SNX6: variants seen among roughly 807,000 people sequenced by gnomAD.
SNX6 encodes the protein sorting nexin-6.
In SNX6, 34 loss-of-function variants were observed where a neutral mutation model predicts 63.0. That is an observed-to-expected ratio of 0.54 (90% CI 0.41 to 0.72). SNX6 has a LOEUF of 0.72. SNX6 is among the 30% of genes least tolerant of loss of function. The probability of loss-of-function intolerance (pLI) is 0.00; values close to 1 mark genes in which losing one functional copy is unlikely to be tolerated. For synonymous variants in SNX6, 170 were observed against 164.2 expected (o/e 1.04, Z -0.27); for missense variants, 398 against 471.4 (o/e 0.84, Z 1.44).
chr14:34,604,205 AAAG>A (rs1045186306), intron 5 of SNX6: 3 of 1,289,080 alleles, frequency 2.3e-6, no homozygotes, highest in South Asian at 1.2e-5. Flanking sequence ...TGAAGACAAA[AAAG>A]AAGGATGCAG....
intron 13 of SNX6, among the ~76,000 whole-genome samples, chr14:34,567,463 G>A (rs1183340556): frequency 2.0e-5 from 3 of 152,132 alleles, no homozygotes; most frequent in African/African-American, 7.2e-5. Flanking sequence ...ACTCCAGCCT[G>A]GGCAATAGCG....
intron 6 of SNX6, 81 bp downstream of exon 6, chr14:34,603,267 C>G: frequency 7.3e-7 from 1 of 1,373,116 alleles, no homozygotes; most frequent in Non-Finnish European, 9.8e-7. Context: ...GCCTGGAAGA[C>G]AGAGCGAGAT....
At chr14:34,611,650 C>T (rs1454297599) in intron 2 of SNX6, among the ~76,000 whole-genome samples, 49 of 138,864 alleles carry the variant, frequency 3.5e-4, no homozygotes, top group African/African-American at 1.3e-3. Context: ...GGCATAGTGG[C>T]GCACACCTGT....
chr14:34,606,746 C>T (rs1883037739), intron 4 of SNX6, among the ~76,000 whole-genome samples: 1 of 151,836 alleles, frequency 6.6e-6, no homozygotes, highest in African/African-American at 2.4e-5. Flanking sequence ...CCGGCCGAGA[C>T]TTCCAACTCT....
intron 9 of SNX6, among the ~76,000 whole-genome samples, chr14:34,584,858 CTTTTTTT>C (rs561675800): frequency 6.7e-6 from 1 of 149,284 alleles, no homozygotes; most frequent in African/African-American, 2.5e-5. Context: ...TTTCTTTTTT[CTTTTTTT>C]TTCTGAGATG....
At chr14:34,624,105 T>C (rs1008227294) in intron 2 of SNX6, among the ~76,000 whole-genome samples, 2 of 124,460 alleles carry the variant, frequency 1.6e-5, no homozygotes, top group African/African-American at 5.1e-5. Context: ...CAAAACAATA[T>C]TTTCCTTTTT....
Position 34,593,033 on chromosome 14 carries a change from G to GA in SNX6, c.718+11dup. 6 of 1,540,732 alleles carry GA rather than the reference G, an allele frequency of 3.9e-6. No individual in the cohort carries two copies. The highest frequency in any genetic ancestry group is 1.2e-5 in the South Asian group (1 of 85,428). On this transcript the variant is annotated intron_variant, in intron 8 of 13. Transcript: ENST00000362031. ...TTAAAAGATATAAGCTTTAGCCACA[G>GA]AAAAATCTTACTTTTGTGGGATCTT...
At chr14:34,574,405 T>C (rs1338783447) in intron 11 of SNX6, among the ~76,000 whole-genome samples, 2 of 149,790 alleles carry the variant, frequency 1.3e-5, no homozygotes, top group African/African-American at 4.9e-5. Context: ...ATTCCAGCAC[T>C]TTGGGAGGCC....
chr14:34,616,206 A>G, intron 2 of SNX6, among the ~76,000 whole-genome samples: 1 of 147,978 alleles, frequency 6.8e-6, no homozygotes, highest in South Asian at 2.2e-4. Context: ...CACCTGCTTC[A>G]GCCTCCCAAA....
rs1174380147 is a variant in SNX6 at position 34,630,121 on chromosome 14, G to T, written c.-5C>A. On this transcript the variant is annotated 5_prime_UTR_variant, in exon 1 of 14. Coordinates refer to ENST00000362031, the MANE Select transcript of SNX6 (RefSeq NM_152233.4). ...GCGGAGAACACCCACCATCATGGCTGCTCCGAGGCGAGGGCCGGCGCAGGC... is the reference window on the plus strand; with the variant it reads ...GCGGAGAACACCCACCATCATGGCTTCTCCGAGGCGAGGGCCGGCGCAGGC... 3.0e-6 allele frequency: 4 copies of T among 1,353,910 alleles called. No homozygotes were observed. The highest frequency in any genetic ancestry group is 3.9e-5 in the Admixed American group (1 of 25,352). 83.9% of individuals were successfully genotyped at this position (1,353,910 alleles called of 1,614,324 possible).
Position 34,614,973 on chromosome 14 carries a change from A to G in SNX6, c.55-5231T>C, listed in dbSNP as rs114952566. Among the ~76,000 whole-genome samples, 464 of 152,208 alleles carry G rather than the reference A, an allele frequency of 3.0e-3. 2 individuals are homozygous for G. Among genetic ancestry groups the G allele is most frequent in the African/African-American group, 0.011 (451 of 41,522 alleles). On this transcript the variant is annotated intron_variant, in intron 2 of 13. Transcript: ENST00000362031. ...TTTTTTTTTTAACTACTGATCTATC[A>G]GTTTGGAAGCATACCTTTCAGAGAT...
chr14:34,622,381 C>T (rs1372725414), intron 2 of SNX6, among the ~76,000 whole-genome samples: 1 of 151,442 alleles, frequency 6.6e-6, no homozygotes, highest in African/African-American at 2.4e-5. Context: ...GAGATCGAGA[C>T]CTTCCTGGCT....
intron 13 of SNX6, among the ~76,000 whole-genome samples, chr14:34,565,853 T>C (rs1594687823): frequency 1.3e-5 from 2 of 151,396 alleles, no homozygotes; most frequent in South Asian, 4.2e-4. Context: ...CCATGCCTGG[T>C]TAATTTTTTG....
chr14:34,569,235 T>C lies in SNX6; in HGVS notation c.922-1222A>G, dbSNP rs548124850. The C allele has an allele frequency of 5.5e-4, 313 of 564,370 alleles. 3 individuals are homozygous for C. The South Asian group carries it at 5.7e-3, about 10-fold the overall frequency. The allele number at this position is 564,370 out of a possible 1,614,324, so 35.0% of individuals were successfully genotyped here. On this transcript the variant is annotated intron_variant, in intron 11 of 13. Coordinates refer to ENST00000362031, the MANE Select transcript of SNX6 (RefSeq NM_152233.4). Reference sequence around the variant, plus strand: ...ACCACATAACTCACAATTTAAAATATGTAATTCAATGGTTTTTAGCAAGCT... The same window carrying C: ...ACCACATAACTCACAATTTAAAATACGTAATTCAATGGTTTTTAGCAAGCT...
At chr14:34,595,631 C>G (rs934886020) in intron 7 of SNX6, among the ~76,000 whole-genome samples, 2 of 152,166 alleles carry the variant, frequency 1.3e-5, no homozygotes, top group African/African-American at 4.8e-5. Flanking sequence ...GATATTAATG[C>G]ATAAGCAGCA....
At chr14:34,583,800 G>A (rs1882040308) in intron 9 of SNX6, among the ~76,000 whole-genome samples, 2 of 150,208 alleles carry the variant, frequency 1.3e-5, no homozygotes, top group Non-Finnish European at 3.0e-5. Context: ...TGGCAAGGTT[G>A]ACTTTTTTCC....
chr14:34,605,643 C>T lies in SNX6; in HGVS notation c.345G>A (p.Gly115=). The T allele has an allele frequency of 6.2e-7, 1 of 1,610,290 alleles. No homozygotes were observed. Among genetic ancestry groups the T allele is most frequent in the Non-Finnish European group, 8.5e-7 (1 of 1,178,498 alleles). ...TTGTGAATTCTTCCTTCGTCATTGACCCTTCTCCTTCACCAAGCTTCTGTA... is the reference window on the plus strand; with the variant it reads ...TTGTGAATTCTTCCTTCGTCATTGATCCTTCTCCTTCACCAAGCTTCTGTA... ...EKLQKLGEGE[G]SMTKEEFTKM... The change falls in exon 5 of 14, where the codon GGG becomes GGA. Residue 115 remains glycine (G), a synonymous_variant. Transcript: ENST00000362031.
At chr14:34,598,067 C>T (rs371635179) in intron 6 of SNX6, among the ~76,000 whole-genome samples, 1 of 152,250 alleles carries the variant, frequency 6.6e-6, no homozygotes. Flanking sequence ...TCCGCAATAA[C>T]TCTGAATATA....
chr14:34,616,272 A>G (rs1464464301), intron 2 of SNX6, among the ~76,000 whole-genome samples: 2 of 152,104 alleles, frequency 1.3e-5, no homozygotes, highest in Non-Finnish European at 2.9e-5. Flanking sequence ...CTTTCAATTG[A>G]TGACAAATTA....
Sources: gnomAD v4.1 joint callset for allele counts (sites outside exome capture counted in the v4.1 genomes callset) on GRCh38, gnomAD v4.1.1 for gene constraint, MANE v1.5 for transcripts, NCBI Gene and HGNC (gene_info 2026-07-23, HGNC 2026-07-21) for gene names.